The following EYS variants were observed in gnomAD, a reference collection of about 807,000 sequenced individuals.
EYS encodes EGF-like photoreceptor maintenance factor, also known as protein eyes shut homolog.
EYS carries 250 observed loss-of-function variants against 282.1 expected under a neutral mutation model. The ratio of observed to expected loss-of-function variants is 0.89; its 90% CI spans 0.80 to 0.98. The LOEUF (loss-of-function observed/expected upper bound fraction) is 0.98. EYS is among the 50% of genes least tolerant of loss of function. The pLI is 0.00. For synonymous variants in EYS, 1,355 were observed against 1,282.9 expected (o/e 1.06, Z -1.20); for missense variants, 4,016 against 3,709.0 (o/e 1.08, Z -2.15).
rs1049326705 is a variant in EYS, at chr6:63,854,442, G to A, written c.7228+9744C>T. Among the ~76,000 whole-genome samples, 7 of 151,984 alleles carry A rather than the reference G, an allele frequency of 4.6e-5. No individual in the cohort carries two copies. In the East Asian group the frequency reaches 5.8e-4, roughly 13 times the overall value. Reference sequence around the variant, plus strand: ...CACAGGGAGGGGAACATTACACACCGAGGCCTATCAGGGGGTGGGTGGCAA... The same window carrying A: ...CACAGGGAGGGGAACATTACACACCAAGGCCTATCAGGGGGTGGGTGGCAA... On this transcript the variant is annotated intron_variant, in intron 36 of 42. Transcript: ENST00000503581.
chr6:64,850,388 A>G (rs1765844224), intron 19 of EYS, among the ~76,000 whole-genome samples: 1 of 152,106 alleles, frequency 6.6e-6, no homozygotes, highest in Admixed American at 6.6e-5. Context: ...TAAGGCACTC[A>G]GTGCTGGGGA....
intron 5 of EYS, among the ~76,000 whole-genome samples, chr6:65,411,609 C>A (rs1325472252): frequency 2.0e-5 from 3 of 151,982 alleles, no homozygotes; most frequent in African/African-American, 7.2e-5. Context: ...TCATGCTACC[C>A]CGTTATAATC....
chr6:64,702,044 T>TC (rs397720180), intron 22 of EYS, among the ~76,000 whole-genome samples: 1 of 151,724 alleles, frequency 6.6e-6, no homozygotes, highest in Middle Eastern at 3.4e-3. Flanking sequence ...CCTTTTTTTT[T>TC]CTCATTGGTT....
intron 12 of EYS, among the ~76,000 whole-genome samples, chr6:65,082,642 A>G (rs908083284): frequency 1.6e-4 from 24 of 152,124 alleles, no homozygotes; most frequent in African/African-American, 4.8e-4. Context: ...TTGCTTCTAC[A>G]TTGCATTTTT....
intron 31 of EYS, among the ~76,000 whole-genome samples, chr6:64,162,465 T>A (rs545443620): frequency 1.3e-5 from 2 of 152,032 alleles, no homozygotes; most frequent in Non-Finnish European, 2.9e-5. Context: ...ATTCCTAAGA[T>A]TGCTTGAGTA....
chr6:64,305,231 T>A (rs7753930), intron 30 of EYS, among the ~76,000 whole-genome samples: 3 of 152,010 alleles, frequency 2.0e-5, no homozygotes, highest in Non-Finnish European at 2.9e-5. Context: ...TCTTCTACAA[T>A]AGAAACTACT....
intron 8 of EYS, among the ~76,000 whole-genome samples, chr6:65,375,292 G>A (rs1390500126): frequency 6.6e-6 from 1 of 152,110 alleles, no homozygotes. Flanking sequence ...CAGAAGAGGG[G>A]CCTGACCATC....
chr6:64,956,201 G>C (rs1374682623), intron 14 of EYS, among the ~76,000 whole-genome samples: 4 of 152,144 alleles, frequency 2.6e-5, no homozygotes, highest in Admixed American at 2.6e-4. Flanking sequence ...TTATACTACA[G>C]TGCTATAGTA....
At chr6:63,894,200 A>G (rs1773476514) in intron 35 of EYS, among the ~76,000 whole-genome samples, 2 of 152,214 alleles carry the variant, frequency 1.3e-5, no homozygotes, top group South Asian at 4.1e-4. Context: ...CCCAAAATGT[A>G]TATCCACCCA....
chr6:64,209,821 C>A (rs1400028045), intron 31 of EYS, among the ~76,000 whole-genome samples: 2 of 152,158 alleles, frequency 1.3e-5, no homozygotes, highest in Non-Finnish European at 2.9e-5. Context: ...TCCTGACAGT[C>A]TGGTTGTGGC....
chr6:65,243,810 G>A (rs1767113100), intron 12 of EYS, among the ~76,000 whole-genome samples: 2 of 152,320 alleles, frequency 1.3e-5, no homozygotes, highest in South Asian at 4.1e-4. Context: ...TCTGTAGGCT[G>A]AGGCAGGAGC....
chr6:65,658,950 T>C (rs76624764), intron 1 of EYS, among the ~76,000 whole-genome samples: 2 of 151,632 alleles, frequency 1.3e-5, no homozygotes, highest in East Asian at 3.9e-4. Context: ...GTCTAGAAGG[T>C]TTGTTTAGCT....
At chr6:65,588,694 G>T (rs534502243) in intron 2 of EYS, among the ~76,000 whole-genome samples, 14 of 152,176 alleles carry the variant, frequency 9.2e-5, no homozygotes, top group African/African-American at 3.1e-4. Context: ...CCTCTGGGAA[G>T]CCTTTCAGAG....
At chr6:64,424,263 C>A (rs575614896) in intron 28 of EYS, among the ~76,000 whole-genome samples, 1 of 152,132 alleles carries the variant, frequency 6.6e-6, no homozygotes, top group South Asian at 2.1e-4. Context: ...TATAAAACAT[C>A]CAGTAAACTT....
chr6:63,880,485 C>CTCTATCTA (rs756807407), intron 35 of EYS, among the ~76,000 whole-genome samples: 3 of 105,630 alleles, frequency 2.8e-5, no homozygotes, highest in South Asian at 2.9e-4. Flanking sequence ...GTCTGTCTGT[C>CTCTATCTA]TGTATCTATC....
chr6:64,470,485 A>G (rs1202255953), intron 26 of EYS, among the ~76,000 whole-genome samples: 1 of 152,204 alleles, frequency 6.6e-6, no homozygotes, highest in Admixed American at 6.5e-5. Context: ...TACAATCAAG[A>G]TCTTCAACCA....
At chr6:64,380,739 C>T (rs764913328) in intron 29 of EYS, among the ~76,000 whole-genome samples, 34 of 152,128 alleles carry the variant, frequency 2.2e-4, no homozygotes, top group Admixed American at 5.9e-4. Flanking sequence ...AGATTATGGC[C>T]GAGCAGGGTG....
intron 29 of EYS, among the ~76,000 whole-genome samples, chr6:64,333,037 A>C (rs1275012117): frequency 6.6e-6 from 1 of 152,170 alleles, no homozygotes; most frequent in Non-Finnish European, 1.5e-5. Flanking sequence ...AGCCTGGTCC[A>C]GAAAAGGTGT....
At chr6:64,208,029 G>T (rs532623098) in intron 31 of EYS, among the ~76,000 whole-genome samples, 2 of 152,198 alleles carry the variant, frequency 1.3e-5, no homozygotes, top group South Asian at 4.2e-4. Flanking sequence ...AAATTTTTCT[G>T]TCATTCTTCT....
Sources: gnomAD v4.1 joint callset for allele counts (sites outside exome capture counted in the v4.1 genomes callset) on GRCh38, gnomAD v4.1.1 for gene constraint, MANE v1.5 for transcripts, NCBI Gene and HGNC (gene_info 2026-07-23, HGNC 2026-07-21) for gene names.